RARB: variants seen among roughly 807,000 people sequenced by gnomAD.
RARB encodes the protein retinoic acid receptor beta, also known as HBV-activated protein.
In RARB, 17 loss-of-function variants were observed where a neutral mutation model predicts 51.9. The observed-to-expected ratio is 0.33, with a 90% CI of 0.22 to 0.49. The LOEUF (loss-of-function observed/expected upper bound fraction) is 0.49, where lower values mean the gene tolerates loss of function less well. Among genes scored for constraint, RARB ranks in the 20% least tolerant of loss-of-function variants. The probability of loss-of-function intolerance (pLI) is 0.99; values close to 1 mark genes in which losing one functional copy is unlikely to be tolerated. For synonymous variants in RARB, 215 were observed against 195.4 expected (o/e 1.10, Z -0.84); for missense variants, 369 against 550.8 (o/e 0.67, Z 3.30).
intron 5 of RARB, among the ~76,000 whole-genome samples, chr3:25,309,446 T>G: frequency 6.7e-6 from 1 of 149,250 alleles, no homozygotes; most frequent in East Asian, 2.0e-4. Flanking sequence ...GCCTCCTCTA[T>G]TCTTACAATG....
chr3:25,381,914 C>T (rs555078137), intron 5 of RARB, among the ~76,000 whole-genome samples: 55 of 152,268 alleles, frequency 3.6e-4, no homozygotes, highest in African/African-American at 1.3e-3. Context: ...TACTCTCAAG[C>T]TGCATTCAGA....
chr3:24,857,321 G>A (rs1702654215), intron 1 of RARB, among the ~76,000 whole-genome samples: 1 of 152,060 alleles, frequency 6.6e-6, no homozygotes, highest in Admixed American at 6.5e-5. Context: ...CCAAGATTAG[G>A]TGCAACACGC....
intron 2 of RARB, among the ~76,000 whole-genome samples, chr3:24,996,816 A>G (rs1056657096): frequency 1.3e-5 from 2 of 152,090 alleles, no homozygotes; most frequent in Non-Finnish European, 2.9e-5. Context: ...GTCAGATAAG[A>G]TACTGGATGT....
At chr3:24,962,926 A>G (rs944317740) in intron 2 of RARB, among the ~76,000 whole-genome samples, 3 of 152,172 alleles carry the variant, frequency 2.0e-5, no homozygotes, top group Middle Eastern at 3.2e-3. Flanking sequence ...CAGATGAGGA[A>G]CTGACACAGA....
intron 2 of RARB, among the ~76,000 whole-genome samples, chr3:25,058,534 C>T (rs1298988120): frequency 1.3e-5 from 2 of 149,854 alleles, no homozygotes; most frequent in Admixed American, 1.3e-4. Context: ...TGGGCATCTC[C>T]AAAACCAAGT....
chr3:25,268,170 C>T (rs1035919821), intron 5 of RARB, among the ~76,000 whole-genome samples: 7 of 152,140 alleles, frequency 4.6e-5, no homozygotes, highest in Admixed American at 3.3e-4. Context: ...CAGCTCTCAG[C>T]GGTAGATTTC....
chr3:24,989,132 T>C (rs1247977060), intron 2 of RARB, among the ~76,000 whole-genome samples: 3 of 152,224 alleles, frequency 2.0e-5, no homozygotes, highest in South Asian at 4.1e-4. Context: ...GGCCCACTTA[T>C]TGTTTATTTT....
chr3:24,877,345 A>ACTTTTTTTTTTT (rs1491394222), intron 2 of RARB, among the ~76,000 whole-genome samples: 1 of 17,764 alleles, frequency 5.6e-5, no homozygotes, highest in Non-Finnish European at 1.0e-4. Context: ...AAGCAATCTT[A>ACTTTTTTTTTTT]CTTTTTTTTT....
chr3:25,428,094 G>A (rs1437361389), upstream of RARB, among the ~76,000 whole-genome samples: 1 of 152,196 alleles, frequency 6.6e-6, no homozygotes, highest in Non-Finnish European at 1.5e-5. Context: ...CTCGCTGCCT[G>A]CCTCTCTGGC....
intron 2 of RARB, among the ~76,000 whole-genome samples, chr3:25,049,790 T>G (rs1698290395): frequency 6.6e-6 from 1 of 152,258 alleles, no homozygotes; most frequent in South Asian, 2.1e-4. Flanking sequence ...CCTGCAAATT[T>G]CATCAGCATT....
chr3:25,381,773 C>T (rs1706632866), intron 5 of RARB, among the ~76,000 whole-genome samples: 1 of 152,126 alleles, frequency 6.6e-6, no homozygotes, highest in Admixed American at 6.5e-5. Flanking sequence ...CCTATCTCTG[C>T]CCTACCCCTG....
chr3:24,992,021 C>T (rs183419869), intron 2 of RARB, among the ~76,000 whole-genome samples: 1 of 152,110 alleles, frequency 6.6e-6, no homozygotes, highest in Admixed American at 6.5e-5. Flanking sequence ...GTCTGTTTGG[C>T]TCTCCTTATA....
At position 24,963,686 on chromosome 3, in the gene RARB, A is replaced by AC. The variant is rs1198097450; in HGVS notation, c.-379-96438dup. On this transcript the variant is annotated intron_variant, in intron 2 of 11. Coordinates refer to the RARB transcript ENST00000383772. ...TTTCCTAAGCACTAAGTGGAGAGGA[A>AC]CAAGGCAGTGTGGGCCGAGCATCTC... Among the ~76,000 whole-genome samples the AC allele has an allele frequency of 2.6e-5, 4 of 151,866 alleles. No individual in the cohort carries two copies. The East Asian group carries it at 5.8e-4, about 22-fold the overall frequency.
chr3:25,596,462 C>T lies in RARB; in HGVS notation c.1193C>T (p.Ser398Leu). The change falls in exon 8 of 8, where the codon TCA becomes TTA. Residue 398 changes from serine (S) to leucine (L), a missense_variant. Transcript: ENST00000330688. ...VITLKMEIPG[S>L]MPPLIQEMLE... The stretch of plus-strand genomic sequence containing the variant: ...ACCTTGAAAATGGAAATTCCTGGAT[C>T]AATGCCACCTCTCATTCAAGAAATG... The T allele has an allele frequency of 6.2e-7, 1 of 1,613,532 alleles. No homozygotes were observed. Among genetic ancestry groups the T allele is most frequent in the Non-Finnish European group, 8.5e-7 (1 of 1,179,512 alleles).
intron 2 of RARB, among the ~76,000 whole-genome samples, chr3:24,871,430 G>T (rs910680234): frequency 2.6e-5 from 4 of 152,132 alleles, no homozygotes; most frequent in Non-Finnish European, 5.9e-5. Flanking sequence ...GGCTTTTAGG[G>T]CATTCCCTCG....
upstream of RARB, among the ~76,000 whole-genome samples, chr3:25,426,642 T>A (rs1390156538): frequency 6.6e-6 from 1 of 152,226 alleles, no homozygotes; most frequent in Non-Finnish European, 1.5e-5. Context: ...AGACTCTCCC[T>A]CCCTGCCTAA....
At chr3:25,103,450 A>G (rs537614920) in intron 3 of RARB, among the ~76,000 whole-genome samples, 1 of 152,304 alleles carries the variant, frequency 6.6e-6, no homozygotes, top group South Asian at 2.1e-4. Context: ...TTAGACAAAA[A>G]TGGAGGAAAA....
rs75794264 is a variant in RARB at position 25,013,937 on chromosome 3, A to T, written c.-379-46188A>T. On this transcript the variant is annotated intron_variant, in intron 2 of 11. Coordinates refer to the RARB transcript ENST00000383772. Reference sequence around the variant, plus strand: ...AAACTGAAAAGTGTCGGATAGTATTAGCTTCAGGCATGTTTGGATTGAGGT... The same window carrying T: ...AAACTGAAAAGTGTCGGATAGTATTTGCTTCAGGCATGTTTGGATTGAGGT... Among the ~76,000 whole-genome samples the T allele has an allele frequency of 5.0e-3, 764 of 152,240 alleles. 5 individuals are homozygous for T. The highest frequency in any genetic ancestry group is 0.017 in the African/African-American group (716 of 41,554).
rs527811949 is a variant in RARB at position 25,413,215 on chromosome 3, T to C, written c.179-47978T>C. ...TTAATGTTTTTGAACTTCGTATGAA[T>C]AGAATCAGAGTTGTACTTTTTGTGT... On this transcript the variant is annotated intron_variant, in intron 5 of 11. Coordinates refer to the RARB transcript ENST00000383772. Among the ~76,000 whole-genome samples, 83 of 152,320 alleles carry C rather than the reference T, an allele frequency of 5.4e-4. 1 individual carries two copies. The highest frequency in any genetic ancestry group is 1.0e-3 in the Non-Finnish European group (69 of 68,024).
Sources: allele counts gnomAD v4.1 joint callset (sites outside exome capture counted in the v4.1 genomes callset), GRCh38; gene constraint gnomAD v4.1.1; transcripts MANE v1.5; gene names NCBI Gene and HGNC (gene_info 2026-07-23, HGNC 2026-07-21).